Variants in MZT1 observed in about 807,000 individuals in gnomAD.
The protein encoded by MZT1 is mitotic spindle organizing protein 1, also known as mitotic-spindle organizing protein 1.
MZT1 carries 8 observed loss-of-function variants against 8.5 expected under a neutral mutation model. The observed-to-expected ratio is 0.94, with a 90% CI of 0.55 to 1.70. The LOEUF (loss-of-function observed/expected upper bound fraction) is 1.70, where lower values mean the gene tolerates loss of function less well. MZT1 is among the 40% of genes most tolerant of loss of function. The pLI, the probability that MZT1 is intolerant of heterozygous loss-of-function variation, is 0.00. For synonymous variants in MZT1, 38 were observed against 42.0 expected, an observed-to-expected ratio of 0.90 and a Z score of 0.37; for missense variants, 93 against 108.6, an observed-to-expected ratio of 0.86 and a Z score of 0.64.
chr13:72,720,837 G>A (rs894243626), intron 1 of MZT1, among the ~76,000 whole-genome samples: 3 of 152,036 alleles, frequency 2.0e-5, no homozygotes, highest in East Asian at 1.9e-4. Flanking sequence ...GCGGTGAGCC[G>A]AGATTGCGCC....
chr13:72,719,188 A>T, intron 1 of MZT1, 91 bp from the exon 2 acceptor site: 1 of 1,019,856 alleles, frequency 9.8e-7, no homozygotes, highest in South Asian at 2.8e-5. Flanking sequence ...ATATCACTGC[A>T]CAATACCAAG....
chr13:72,727,062 T>C (rs558380917), intron 1 of MZT1, among the ~76,000 whole-genome samples: 16 of 152,328 alleles, frequency 1.1e-4, no homozygotes, highest in South Asian at 8.3e-4. Context: ...ACAGGAGGCA[T>C]AGCGGTGACC....
chr13:72,726,965 C>T (rs1175544804), intron 1 of MZT1, among the ~76,000 whole-genome samples: 5 of 152,202 alleles, frequency 3.3e-5, no homozygotes, highest in Admixed American at 2.0e-4. Context: ...TGGTGTCACC[C>T]GCTTCAAGAG....
chr13:72,711,320 T>G (rs937945288), intron 2 of MZT1, among the ~76,000 whole-genome samples: 1 of 152,180 alleles, frequency 6.6e-6, no homozygotes, highest in African/African-American at 2.4e-5. Flanking sequence ...ATTTATGCTG[T>G]GGGAGATATG....
At chr13:72,711,703 C>CAAAA (rs11436288) in intron 2 of MZT1, among the ~76,000 whole-genome samples, 6 of 145,654 alleles carry the variant, frequency 4.1e-5, no homozygotes, top group African/African-American at 1.3e-4. Flanking sequence ...AAGAAATTAA[C>CAAAA]AAAAAAAAAA....
Position 72,724,752 on chromosome 13 carries a change from A to ATATATATATATATATGTG in MZT1, c.79+2771_79+2772insCACATATATATATATATA, listed in dbSNP as rs1180726488. Among the ~76,000 whole-genome samples, 8 of 56,886 alleles carry ATATATATATATATATGTG rather than the reference A, an allele frequency of 1.4e-4. 2 individuals are homozygous for ATATATATATATATATGTG. The highest frequency in any genetic ancestry group is 1.5e-4 in the Non-Finnish European group (4 of 26,830). The allele number at this position is 56,886 out of a possible 152,430, so 37.3% of individuals were successfully genotyped here. On this transcript the variant is annotated intron_variant, in intron 1 of 2. Transcript: ENST00000377818. ...TATATATATATATACACATATATAT[A>ATATATATATATATATGTG]TGTAAAGTGGTGCTACAGGCCGGGC...
chr13:72,719,173 T>C (rs753933292), intron 1 of MZT1, 76 bp from the exon 2 acceptor site: 245 of 1,194,356 alleles, frequency 2.1e-4, no homozygotes, highest in Non-Finnish European at 2.5e-4. Flanking sequence ...CTTTCATTAA[T>C]TTATATATCA....
intron 1 of MZT1, among the ~76,000 whole-genome samples, chr13:72,721,221 G>A (rs113293651): frequency 1.6e-3 from 240 of 152,234 alleles, no homozygotes; most frequent in African/African-American, 4.7e-3. Flanking sequence ...TGATCCTTTC[G>A]GATATTACTT....
chr13:72,721,708 G>C (rs183852270), intron 1 of MZT1, among the ~76,000 whole-genome samples: 71 of 152,352 alleles, frequency 4.7e-4, no homozygotes, highest in Non-Finnish European at 9.1e-4. Flanking sequence ...CTTGTTTCCT[G>C]TCTCTAAGGG....
intron 2 of MZT1, among the ~76,000 whole-genome samples, chr13:72,715,772 G>A (rs911004496): frequency 1.3e-5 from 2 of 152,088 alleles, no homozygotes; most frequent in African/African-American, 4.8e-5. Context: ...CATGTGACAT[G>A]CCTTCTCCCC....
chr13:72,726,480 G>A (rs2032659604), intron 1 of MZT1, among the ~76,000 whole-genome samples: 1 of 152,052 alleles, frequency 6.6e-6, no homozygotes, highest in Non-Finnish European at 1.5e-5. Context: ...ATACAGCAGT[G>A]AGAATTTCAT....
chr13:72,724,599 C>T (rs1232460397), intron 1 of MZT1, among the ~76,000 whole-genome samples: 6 of 133,870 alleles, frequency 4.5e-5, no homozygotes, highest in African/African-American at 1.1e-4. Context: ...AGTGCAGTGG[C>T]GCAATCTCAG....
At chr13:72,716,323 GAGAGGGCAGA>G (rs1466597874) in intron 2 of MZT1, among the ~76,000 whole-genome samples, 1 of 152,148 alleles carries the variant, frequency 6.6e-6, no homozygotes, top group Non-Finnish European at 1.5e-5. Context: ...AGTGACTGGG[GAGAGGGCAGA>G]AGGGGGATTA....
At chr13:72,724,748 A>ATGTGTGTGTGTG (rs1301203268) in intron 1 of MZT1, among the ~76,000 whole-genome samples, 1 of 37,150 alleles carries the variant, frequency 2.7e-5, no homozygotes, top group African/African-American at 5.9e-5. Flanking sequence ...ATACACATAT[A>ATGTGTGTGTGTG]TATATGTAAA....
chr13:72,725,234 G>A (rs1019686528), intron 1 of MZT1, among the ~76,000 whole-genome samples: 2 of 152,040 alleles, frequency 1.3e-5, no homozygotes, highest in Non-Finnish European at 2.9e-5. Context: ...TACACAGTGG[G>A]TTGCGAGGGG....
rs1353666289 is a variant in MZT1, at chr13:72,708,926, G to T, written c.*1396C>A. 2.0e-5 allele frequency: 3 copies of T among 150,958 alleles called. No homozygotes were observed. The highest frequency in any genetic ancestry group is 7.3e-5 in the African/African-American group (3 of 41,140). 9.4% of individuals were successfully genotyped at this position (150,958 alleles called of 1,614,324 possible). ...GAAAAACAAAAAATGCTAGTAAAGA[G>T]TGAATGCTTGTACAATCATATAAAT... On this transcript the variant is annotated 3_prime_UTR_variant, in exon 3 of 3. Transcript: ENST00000377818.
At chr13:72,722,687 C>G (rs79531877) in intron 1 of MZT1, among the ~76,000 whole-genome samples, 16,944 of 152,184 alleles carry the variant, frequency 0.11, 1,273 homozygotes, top group Non-Finnish European at 0.17. Context: ...ACATTTCTGA[C>G]TCCCAACTTC....
chr13:72,712,197 C>T (rs2138006187), intron 2 of MZT1, among the ~76,000 whole-genome samples: 1 of 152,324 alleles, frequency 6.6e-6, no homozygotes, highest in East Asian at 1.9e-4. Context: ...GTTGTTTTCA[C>T]TCTGTTGCCC....
In MZT1 at chr13:72,724,752, A is replaced by ATATATATATATATATATATGTGTG. The variant is rs1180726488; in HGVS notation, c.79+2771_79+2772insCACACATATATATATATATATATA. On this transcript the variant is annotated intron_variant, in intron 1 of 2. Transcript: ENST00000377818. Reference sequence around the variant, plus strand: ...TATATATATATATACACATATATATATGTAAAGTGGTGCTACAGGCCGGGC... The same window carrying ATATATATATATATATATATGTGTG: ...TATATATATATATACACATATATATATATATATATATATATATATGTGTGTGTAAAGTGGTGCTACAGGCCGGGC... Among the ~76,000 whole-genome samples the ATATATATATATATATATATGTGTG allele has an allele frequency of 5.3e-5, 3 of 56,890 alleles. 1 individual carries two copies. The highest frequency in any genetic ancestry group is 1.0e-4 in the African/African-American group (2 of 20,010). 37.3% of individuals were successfully genotyped at this position (56,890 alleles called of 152,430 possible).
Sources: gnomAD v4.1 joint callset for allele counts (sites outside exome capture counted in the v4.1 genomes callset) on GRCh38, gnomAD v4.1.1 for gene constraint, MANE v1.5 for transcripts, NCBI Gene and HGNC (gene_info 2026-07-23, HGNC 2026-07-21) for gene names.